ADAMTSL3: variants seen among roughly 807,000 people sequenced by gnomAD.
ADAMTSL3 encodes ADAMTS like 3.
A neutral mutation model predicts 201.7 loss-of-function variants in ADAMTSL3; 128 were observed. The ratio of observed to expected loss-of-function variants is 0.63; its 90% CI spans 0.55 to 0.73. The LOEUF (loss-of-function observed/expected upper bound fraction) is 0.73. Among genes scored for constraint, ADAMTSL3 ranks in the 30% least tolerant of loss-of-function variants. The probability of loss-of-function intolerance (pLI) is 0.00; values close to 1 mark genes in which losing one functional copy is unlikely to be tolerated. For missense variants in ADAMTSL3, 1,990 were observed against 2,119.6 expected (o/e 0.94, Z 1.20); for synonymous variants, 738 against 748.4 (o/e 0.99, Z 0.23).
rs2065477862 is a variant in ADAMTSL3 at position 83,890,257 on chromosome 15, A to G, written c.1211+10A>G. 2 of 1,613,182 alleles carry G rather than the reference A, an allele frequency of 1.2e-6. No homozygotes were observed. Among genetic ancestry groups the G allele is most frequent in the Non-Finnish European group, 1.7e-6 (2 of 1,179,542 alleles). On this transcript the variant is annotated intron_variant, in intron 11 of 29. Transcript: ENST00000286744. ...ATCCCTGCCCATCAAGGTTTGTGTC[A>G]TTGTCCACACCCTTTTTACTTCAAA...
intron 4 of ADAMTSL3, among the ~76,000 whole-genome samples, chr15:83,794,776 G>A (rs2063397454): frequency 6.6e-6 from 1 of 152,072 alleles, no homozygotes; most frequent in Admixed American, 6.5e-5. Flanking sequence ...TTGTAGCAGA[G>A]TTTTGCAAGA....
At chr15:83,670,332 CTTTA>C (rs1358606842) in intron 2 of ADAMTSL3, among the ~76,000 whole-genome samples, 1 of 147,518 alleles carries the variant, frequency 6.8e-6, no homozygotes, top group Non-Finnish European at 1.5e-5. Flanking sequence ...AGCTTTGATT[CTTTA>C]TTTACTATCT....
At chr15:83,820,140 G>A (rs2063838514) in intron 6 of ADAMTSL3, 93 bp downstream of exon 6, 1 of 1,171,784 alleles carries the variant, frequency 8.5e-7, no homozygotes, top group Non-Finnish European at 1.3e-6. Context: ...TTTTGTTCAT[G>A]CAGATGTAAA....
chr15:84,031,124 G>C (rs1253562640), intron 27 of ADAMTSL3, among the ~76,000 whole-genome samples: 1 of 152,132 alleles, frequency 6.6e-6, no homozygotes, highest in East Asian at 1.9e-4. Flanking sequence ...CAGAGGGGAT[G>C]GTAAGCTTAG....
At chr15:83,871,390 C>T (rs958203019) in intron 9 of ADAMTSL3, among the ~76,000 whole-genome samples, 12 of 152,142 alleles carry the variant, frequency 7.9e-5, no homozygotes, top group Admixed American at 7.2e-4. Context: ...TTGGTGAAAA[C>T]GGCCGATGGT....
intron 19 of ADAMTSL3, among the ~76,000 whole-genome samples, chr15:83,947,301 G>A (rs1461685388): frequency 6.6e-6 from 1 of 152,224 alleles, no homozygotes; most frequent in Non-Finnish European, 1.5e-5. Context: ...CATTCTTCAC[G>A]GAGCCAGGCC....
intron 4 of ADAMTSL3, among the ~76,000 whole-genome samples, chr15:83,792,555 G>C (rs181244287): frequency 2.6e-5 from 4 of 152,074 alleles, no homozygotes; most frequent in Non-Finnish European, 5.9e-5. Flanking sequence ...AGGCTGAGGC[G>C]GGTGGAGCAA....
chr15:83,683,819 G>A (rs1347426647), intron 2 of ADAMTSL3, among the ~76,000 whole-genome samples: 1 of 152,116 alleles, frequency 6.6e-6, no homozygotes, highest in East Asian at 1.9e-4. Context: ...CAACACCTGA[G>A]CTTCTCATAT....
At chr15:84,034,848 T>C (rs1191627187) in intron 28 of ADAMTSL3, among the ~76,000 whole-genome samples, 2 of 152,146 alleles carry the variant, frequency 1.3e-5, no homozygotes, top group Non-Finnish European at 2.9e-5. Context: ...TGAAAAAAGC[T>C]AGTAGAAACA....
intron 19 of ADAMTSL3, among the ~76,000 whole-genome samples, chr15:83,951,472 T>C (rs1468849891): frequency 2.6e-5 from 4 of 152,176 alleles, no homozygotes; most frequent in Non-Finnish European, 5.9e-5. Context: ...TAGTTTTCTT[T>C]TTCTCTTTTT....
chr15:83,874,276 C>T lies in ADAMTSL3; in HGVS notation c.960+3317C>T, dbSNP rs1409230108. ...AAAAGGAGCTTTTGCTCCCATCCCA[C>T]GCAGAGCTCCCAGAGGAAAGCGCCT... On this transcript the variant is annotated intron_variant, in intron 9 of 29. Transcript: ENST00000286744. Among the ~76,000 whole-genome samples the T allele has an allele frequency of 8.3e-5, 12 of 145,350 alleles. 2 individuals are homozygous for T. Among genetic ancestry groups the T allele is most frequent in the Admixed American group, 6.7e-4 (10 of 14,876 alleles).
At chr15:83,925,339 A>T (rs1240170459) in intron 17 of ADAMTSL3, among the ~76,000 whole-genome samples, 1 of 152,186 alleles carries the variant, frequency 6.6e-6, no homozygotes, top group East Asian at 1.9e-4. Context: ...GCTTCCATTG[A>T]GACCTACAGA....
intron 11 of ADAMTSL3, among the ~76,000 whole-genome samples, chr15:83,890,486 C>A (rs2065481465): frequency 6.6e-6 from 1 of 152,124 alleles, no homozygotes; most frequent in South Asian, 2.1e-4. Context: ...TATAATGAAC[C>A]CTTTTGAACA....
chr15:83,699,056 C>G (rs988320050), intron 2 of ADAMTSL3, among the ~76,000 whole-genome samples: 2 of 151,974 alleles, frequency 1.3e-5, no homozygotes, highest in African/African-American at 4.8e-5. Context: ...CTGCCAAACT[C>G]TTTCTCTAGG....
At chr15:83,954,225 CT>C (rs1258977447) in intron 19 of ADAMTSL3, among the ~76,000 whole-genome samples, 2 of 151,926 alleles carry the variant, frequency 1.3e-5, no homozygotes, top group Non-Finnish European at 2.9e-5. Flanking sequence ...ATTTTTTATT[CT>C]TTTTTCTTTT....
At chr15:83,934,073 A>G (rs183654579) in intron 17 of ADAMTSL3, among the ~76,000 whole-genome samples, 78 of 152,292 alleles carry the variant, frequency 5.1e-4, no homozygotes, top group African/African-American at 1.8e-3. Flanking sequence ...CTGTGAGAAG[A>G]GGGCCACTAT....
At chr15:83,947,006 G>A (rs1017946980) in intron 19 of ADAMTSL3, among the ~76,000 whole-genome samples, 4 of 152,228 alleles carry the variant, frequency 2.6e-5, no homozygotes, top group African/African-American at 9.7e-5. Flanking sequence ...AGGCTTGAGC[G>A]CAGTCAGGCA....
intron 3 of ADAMTSL3, among the ~76,000 whole-genome samples, chr15:83,772,792 GCCTC>G (rs1370379433): frequency 6.7e-6 from 1 of 149,276 alleles, no homozygotes; most frequent in Non-Finnish European, 1.5e-5. Flanking sequence ...TTCAACCTCC[GCCTC>G]CCTGGTTCAA....
chr15:83,986,624 A>C (rs2067481008), intron 21 of ADAMTSL3, among the ~76,000 whole-genome samples: 3 of 152,222 alleles, frequency 2.0e-5, no homozygotes, highest in African/African-American at 7.2e-5. Context: ...TTACATAACA[A>C]ATGTTCTCAT....
Sources: gnomAD v4.1 joint callset for allele counts (sites outside exome capture counted in the v4.1 genomes callset) on GRCh38, gnomAD v4.1.1 for gene constraint, MANE v1.5 for transcripts, NCBI Gene and HGNC (gene_info 2026-07-23, HGNC 2026-07-21) for gene names.